Variants in HAUS4 observed in about 807,000 individuals in gnomAD.
HAUS4 encodes the protein HAUS augmin like complex subunit 4.
In HAUS4, 34 loss-of-function variants were observed where a neutral mutation model predicts 50.6. The observed-to-expected ratio is 0.67, with a 90% CI of 0.51 to 0.90. The LOEUF is 0.90. HAUS4 is among the 40% of genes least tolerant of loss of function. The pLI, the probability that HAUS4 is intolerant of heterozygous loss-of-function variation, is 0.00. For synonymous variants in HAUS4, 149 were observed against 161.4 expected (o/e 0.92, Z 0.58); for missense variants, 370 against 428.7 (o/e 0.86, Z 1.21).
At chr14:22,949,704 G>C (rs1387012637) in intron 6 of HAUS4, among the ~76,000 whole-genome samples, 1 of 152,138 alleles carries the variant, frequency 6.6e-6, no homozygotes, top group African/African-American at 2.4e-5. Flanking sequence ...TATACAGAGA[G>C]TATAAGGTGT....
At chr14:22,951,409 G>T in intron 5 of HAUS4, 146 bp downstream of exon 5, 1 of 817,312 alleles carries the variant, frequency 1.2e-6, no homozygotes, top group Non-Finnish European at 2.0e-6. Context: ...ACTTGCTCCT[G>T]TGTAACGTTT....
chr14:22,949,461 G>A (rs142256483), intron 6 of HAUS4, among the ~76,000 whole-genome samples: 249 of 149,586 alleles, frequency 1.7e-3, no homozygotes, highest in Non-Finnish European at 3.0e-3. Flanking sequence ...CCTAGGAGGT[G>A]GAGTTTGCAG....
At chr14:22,956,458 C>A (rs192706270) in intron 1 of HAUS4, among the ~76,000 whole-genome samples, 5 of 152,146 alleles carry the variant, frequency 3.3e-5, no homozygotes, top group African/African-American at 1.2e-4. Context: ...GAAATGAAGA[C>A]CAACCCAAAT....
At chr14:22,955,734 C>A (rs2044850435) in intron 1 of HAUS4, among the ~76,000 whole-genome samples, 1 of 151,230 alleles carries the variant, frequency 6.6e-6, no homozygotes, top group South Asian at 2.1e-4. Flanking sequence ...ACTTGAACAA[C>A]TGGTTTTCAC....
At chr14:22,956,741 C>T (rs527571017) in intron 1 of HAUS4, 175 bp downstream of exon 1, 1 of 152,616 alleles carries the variant, frequency 6.6e-6, no homozygotes, top group South Asian at 2.1e-4. Flanking sequence ...AGATATGACC[C>T]TTACAGGGCC....
Position 22,947,166 on chromosome 14 carries a change from C to G in HAUS4, c.908+5G>C. The G allele has an allele frequency of 6.4e-7, 1 of 1,554,214 alleles. No individual in the cohort carries two copies. Among genetic ancestry groups the G allele is most frequent in the Middle Eastern group, 1.7e-4 (1 of 5,972 alleles). Reference sequence around the variant, plus strand: ...CAGCTGTACCAGACTCTTAGGAGTTCTCACCTAATCAGACGATGAACTTCC... The same window carrying G: ...CAGCTGTACCAGACTCTTAGGAGTTGTCACCTAATCAGACGATGAACTTCC... On this transcript the variant is annotated splice_donor_5th_base_variant and intron_variant, in intron 9 of 9. Coordinates refer to ENST00000541587, the MANE Select transcript of HAUS4 (RefSeq NM_001166269.2).
At chr14:22,947,059 C>T in intron 9 of HAUS4, 112 bp downstream of exon 9, 2 of 757,886 alleles carry the variant, frequency 2.6e-6, no homozygotes, top group Admixed American at 3.9e-5. Context: ...GCTGGGATTA[C>T]AGGTGTGAGC....
chr14:22,950,206 G>C lies in HAUS4; in HGVS notation c.562+108C>G, dbSNP rs2044728191. On this transcript the variant is annotated intron_variant, in intron 6 of 9. Transcript: ENST00000541587. The stretch of plus-strand genomic sequence containing the variant: ...AACAAAACAAATAAGCATCTCTGAT[G>C]GTTCTAAACCTCTGTCCCAAATCTA... 6.0e-6 allele frequency: 3 copies of C among 499,014 alleles called. No individual in the cohort carries two copies. The Admixed American group carries it at 1.0e-4, about 17-fold the overall frequency. 30.9% of individuals were successfully genotyped at this position (499,014 alleles called of 1,614,324 possible). A position where few individuals can be genotyped will look rare whatever the true frequency, so the allele number is the denominator to read the frequency against.
chr14:22,951,495 T>A, intron 5 of HAUS4, 60 bp downstream of exon 5: 1 of 1,578,810 alleles, frequency 6.3e-7, no homozygotes, highest in Non-Finnish European at 8.7e-7. Context: ...AAAAACATTT[T>A]AAAGATATGG....
At chr14:22,951,934 T>C (rs2044760504) in intron 4 of HAUS4, among the ~76,000 whole-genome samples, 1 of 152,220 alleles carries the variant, frequency 6.6e-6, no homozygotes, top group South Asian at 2.1e-4. Flanking sequence ...TCAAAGCTCC[T>C]ACTTCCCCTA....
In HAUS4 at chr14:22,951,720, G is replaced by A. The variant is rs760854913; in HGVS notation, c.331-31C>T. Reference sequence around the variant, plus strand: ...AGAGAGAGAATAAAAAACAAAAAGAGGCAACTATAAAACTTCTCCCACTCC... The same window carrying A: ...AGAGAGAGAATAAAAAACAAAAAGAAGCAACTATAAAACTTCTCCCACTCC... On this transcript the variant is annotated intron_variant, in intron 4 of 9. Coordinates refer to ENST00000541587, the MANE Select transcript of HAUS4 (RefSeq NM_001166269.2). The A allele has an allele frequency of 5.1e-6, 8 of 1,575,136 alleles. No individual in the cohort carries two copies. In the East Asian group the frequency reaches 1.4e-4, roughly 27 times the overall value.
In HAUS4 at chr14:22,946,491, A is replaced by C; in HGVS notation, c.*34T>G. 6.4e-7 allele frequency: 1 copy of C among 1,561,106 alleles called. No homozygotes were observed. Among genetic ancestry groups the C allele is most frequent in the Non-Finnish European group, 8.8e-7 (1 of 1,141,128 alleles). On this transcript the variant is annotated 3_prime_UTR_variant, in exon 10 of 10. Transcript: ENST00000541587. ...GCAGGAAGATTAGGAGGCAGCAGCT[A>C]TGCAGAAGCCATGTCTCCTGGCCCT...
chr14:22,952,507 C>G (rs373531591), intron 3 of HAUS4, 34 bp downstream of exon 3: 1 of 1,613,122 alleles, frequency 6.2e-7, no homozygotes, highest in African/African-American at 1.3e-5. Context: ...TCAGGATTTT[C>G]CCTTCTTCTT....
chr14:22,954,925 C>T lies in HAUS4; in HGVS notation c.55+175G>A, dbSNP rs537728567. ...TATTTTTAGTAGAGACAGGGTTTCA[C>T]CGTGTTAGCCAGGATGGTCTCGATC... On this transcript the variant is annotated intron_variant, in intron 2 of 9. Coordinates refer to ENST00000541587, the MANE Select transcript of HAUS4 (RefSeq NM_001166269.2). Among the ~76,000 whole-genome samples the T allele has an allele frequency of 4.3e-4, 66 of 152,098 alleles. 1 individual carries two copies. The Middle Eastern group carries it at 0.01, about 24-fold the overall frequency.
At chr14:22,948,265 A>G (rs779333616) in intron 6 of HAUS4, 15 of 462,632 alleles carry the variant, frequency 3.2e-5, no homozygotes, top group Admixed American at 1.6e-4. Context: ...CTTGGGCAAC[A>G]TAGTGAGACT....
In HAUS4 at chr14:22,946,458, T is replaced by TC; in HGVS notation, c.*66dup. 1 of 1,319,008 alleles carries TC rather than the reference T, an allele frequency of 7.6e-7. No individual in the cohort carries two copies. Among genetic ancestry groups the TC allele is most frequent in the South Asian group, 1.4e-5 (1 of 69,492 alleles). The allele number at this position is 1,319,008 out of a possible 1,614,324, so 81.7% of individuals were successfully genotyped here. On this transcript the variant is annotated 3_prime_UTR_variant, in exon 10 of 10. Transcript: ENST00000541587. ...TGAAGGCAGCCCCAGGTGAAGGTGG[T>TC]CCCACTAGCAGGAAGATTAGGAGGC...
At position 22,956,489 on chromosome 14, in the gene HAUS4, T is replaced by TC. The variant is rs567159591; in HGVS notation, c.-23+426dup. On this transcript the variant is annotated intron_variant, in intron 1 of 9. Transcript: ENST00000541587. The stretch of plus-strand genomic sequence containing the variant: ...CAAATTCCAAAAAGCTAGCTGTTCG[T>TC]CCCCCCCTAGGGTAAGTGTCCCCTT... 2.7e-4 allele frequency among the ~76,000 whole-genome samples: 41 copies of TC among 151,664 alleles called. 1 individual carries two copies. The South Asian group carries it at 3.7e-3, about 14-fold the overall frequency.
At chr14:22,950,224 C>G in intron 6 of HAUS4, 90 bp downstream of exon 6, 1 of 656,632 alleles carries the variant, frequency 1.5e-6, no homozygotes, top group South Asian at 2.2e-5. Context: ...ACCTCTGTCC[C>G]AAATCTAAAA....
At chr14:22,946,781 CTTT>C (rs11414358) in intron 9 of HAUS4, 73 bp from the exon 10 acceptor site, 2,498 of 592,760 alleles carry the variant, frequency 4.2e-3, no homozygotes, top group Middle Eastern at 6.6e-3. Flanking sequence ...AAATGAAAAA[CTTT>C]TTTTTTTTTT....
Sources: allele counts gnomAD v4.1 joint callset (sites outside exome capture counted in the v4.1 genomes callset), GRCh38; gene constraint gnomAD v4.1.1; transcripts MANE v1.5; gene names NCBI Gene and HGNC (gene_info 2026-07-23, HGNC 2026-07-21).